PALM2AKAP2: variants seen among roughly 807,000 people sequenced by gnomAD.
PALM2AKAP2 encodes PALM2-AKAP2 fusion protein.
Under a neutral mutation model 71.5 loss-of-function variants are expected in PALM2AKAP2, and 37 were observed. The ratio of observed to expected loss-of-function variants is 0.52; its 90% CI spans 0.40 to 0.68. PALM2AKAP2 has a LOEUF of 0.68. Among genes scored for constraint, PALM2AKAP2 ranks in the 30% least tolerant of loss-of-function variants. The pLI is 0.00. For missense variants in PALM2AKAP2, 1,224 were observed against 1,191.8 expected (o/e 1.03, Z -0.40); for synonymous variants, 468 against 478.8 (o/e 0.98, Z 0.29).
intron 1 of PALM2AKAP2, among the ~76,000 whole-genome samples, chr9:109,816,524 A>G (rs949751020): frequency 6.6e-6 from 1 of 152,194 alleles, no homozygotes; most frequent in African/African-American, 2.4e-5. Flanking sequence ...ACAGTTCCAC[A>G]TTTAGTGATG....
intron 6 of PALM2AKAP2, among the ~76,000 whole-genome samples, chr9:109,940,491 T>A (rs1392303032): frequency 6.6e-6 from 1 of 152,110 alleles, no homozygotes; most frequent in Non-Finnish European, 1.5e-5. Context: ...AAGCAGAAGA[T>A]ATTTACGTCT....
chr9:110,109,356 T>A lies in PALM2AKAP2; in HGVS notation c.157-26771T>A, dbSNP rs200199745. Among the ~76,000 whole-genome samples, 395 of 125,224 alleles carry A rather than the reference T, an allele frequency of 3.2e-3. 5 individuals are homozygous for A. The highest frequency in any genetic ancestry group is 0.011 in the African/African-American group (366 of 33,398). The allele number at this position is 125,224 out of a possible 152,430, so 82.2% of individuals were successfully genotyped here. ...AAAAAACCAGAAAGAAAGAAACATT[T>A]AAAAAAAAAAAAAAGAAAAACTTCA... On this transcript the variant is annotated intron_variant, in intron 1 of 3. Coordinates refer to ENST00000374525, the Ensembl canonical transcript of PALM2AKAP2.
chr9:109,820,791 A>G (rs1427332602), intron 1 of PALM2AKAP2, among the ~76,000 whole-genome samples: 1 of 152,186 alleles, frequency 6.6e-6, no homozygotes, highest in Non-Finnish European at 1.5e-5. Flanking sequence ...ACTGGAGTGG[A>G]TATGACCTTT....
chr9:109,965,353 T>C (rs76461587), intron 6 of PALM2AKAP2, among the ~76,000 whole-genome samples: 11,681 of 152,246 alleles, frequency 0.077, 510 homozygotes, highest in South Asian at 0.19. Flanking sequence ...CATCCACAGA[T>C]GAATGGATAA....
At chr9:110,127,602 C>G (rs1835638983) in intron 1 of PALM2AKAP2, 1 of 151,476 alleles carries the variant, frequency 6.6e-6, no homozygotes, top group Admixed American at 6.6e-5. Flanking sequence ...GTCTAACCCT[C>G]GCAGCAAGCA....
chr9:109,829,749 A>G (rs994259331), intron 1 of PALM2AKAP2, among the ~76,000 whole-genome samples: 2 of 151,872 alleles, frequency 1.3e-5, no homozygotes, highest in African/African-American at 4.8e-5. Flanking sequence ...AAGGTTTGGG[A>G]CTGAGATTAC....
intron 1 of PALM2AKAP2, among the ~76,000 whole-genome samples, chr9:109,649,581 A>G (rs1316812728): frequency 6.6e-6 from 1 of 152,068 alleles, no homozygotes. Context: ...TTTTTGGGCT[A>G]TTTTTCTGAA....
intron 1 of PALM2AKAP2, among the ~76,000 whole-genome samples, chr9:110,072,703 A>G (rs1834230981): frequency 6.6e-6 from 1 of 152,168 alleles, no homozygotes; most frequent in African/African-American, 2.4e-5. Flanking sequence ...ACCTGGAGCC[A>G]CAATCTGTCC....
At chr9:109,879,306 G>A (rs1039646941) in intron 2 of PALM2AKAP2, among the ~76,000 whole-genome samples, 2 of 152,206 alleles carry the variant, frequency 1.3e-5, no homozygotes, top group African/African-American at 4.8e-5. Context: ...GTGTTAGGTG[G>A]CTTAATAGTC....
At position 109,734,494 on chromosome 9, in the gene PALM2AKAP2, A is replaced by G. The variant is rs150664314; in HGVS notation, c.6-45994A>G. ...CATTTCAGGTGCTCAAAACAGCCAC[A>G]TGTGTCTAGTGTCTACCACATTGAT... On this transcript the variant is annotated intron_variant, in intron 1 of 6. Coordinates refer to the PALM2AKAP2 transcript ENST00000374531. Among the ~76,000 whole-genome samples the G allele has an allele frequency of 1.5e-3, 227 of 152,348 alleles. 1 individual carries two copies. Among genetic ancestry groups the G allele is most frequent in the African/African-American group, 5.1e-3 (213 of 41,582 alleles).
chr9:109,854,224 T>C (rs1829093579), intron 1 of PALM2AKAP2, among the ~76,000 whole-genome samples: 2 of 152,166 alleles, frequency 1.3e-5, no homozygotes, highest in Non-Finnish European at 2.9e-5. Context: ...TAGACTTTGG[T>C]CACCACCAAA....
chr9:109,695,296 G>A (rs139904250), intron 1 of PALM2AKAP2, among the ~76,000 whole-genome samples: 6 of 152,210 alleles, frequency 3.9e-5, no homozygotes, highest in East Asian at 1.9e-4. Context: ...AACTGATTTC[G>A]TTTCTTTTGG....
At chr9:110,033,515 A>G (rs906480067) in intron 7 of PALM2AKAP2, among the ~76,000 whole-genome samples, 1 of 152,192 alleles carries the variant, frequency 6.6e-6, no homozygotes, top group Non-Finnish European at 1.5e-5. Context: ...TGACACCATG[A>G]GATAGGTACC....
chr9:109,867,198 G>GTGTGTC (rs1554721943), intron 1 of PALM2AKAP2: 35 of 389,682 alleles, frequency 9.0e-5, no homozygotes, highest in African/African-American at 7.8e-4. Context: ...GTGTGTGTGT[G>GTGTGTC]TGTGTGTCTG....
intron 1 of PALM2AKAP2, among the ~76,000 whole-genome samples, chr9:109,804,797 C>A (rs1166233995): frequency 6.6e-6 from 1 of 151,938 alleles, no homozygotes; most frequent in Non-Finnish European, 1.5e-5. Flanking sequence ...GTGAAATGTA[C>A]AAAACAGTGG....
At position 109,685,019 on chromosome 9, in the gene PALM2AKAP2, A is replaced by G. The variant is rs866595723; in HGVS notation, c.5+44153A>G. Among the ~76,000 whole-genome samples the G allele has an allele frequency of 7.2e-5, 11 of 152,316 alleles. No individual in the cohort carries two copies. The South Asian group carries it at 1.2e-3, about 17-fold the overall frequency. ...ACAAAACATGAATGAATCTTAAAGGATTATACTAAGTAGAGAAACCAGATC... is the reference window on the plus strand; with the variant it reads ...ACAAAACATGAATGAATCTTAAAGGGTTATACTAAGTAGAGAAACCAGATC... On this transcript the variant is annotated intron_variant, in intron 1 of 6. Coordinates refer to the PALM2AKAP2 transcript ENST00000374531.
At chr9:109,870,475 C>G (rs188584575) in intron 2 of PALM2AKAP2, among the ~76,000 whole-genome samples, 70 of 152,306 alleles carry the variant, frequency 4.6e-4, no homozygotes, top group Admixed American at 1.0e-3. Context: ...TAGCCACCGT[C>G]AGTAACAGTC....
intron 1 of PALM2AKAP2, among the ~76,000 whole-genome samples, chr9:109,736,743 C>T (rs1828642022): frequency 6.6e-6 from 1 of 152,062 alleles, no homozygotes; most frequent in Non-Finnish European, 1.5e-5. Flanking sequence ...ATTGTCAACC[C>T]TCACCCCAAC....
At chr9:109,989,348 G>A (rs1312793607) in intron 6 of PALM2AKAP2, among the ~76,000 whole-genome samples, 2 of 152,104 alleles carry the variant, frequency 1.3e-5, no homozygotes, top group Non-Finnish European at 2.9e-5. Context: ...TGTCACAAAT[G>A]TGCTCCAACT....
Sources: gnomAD v4.1 joint callset for allele counts (sites outside exome capture counted in the v4.1 genomes callset) on GRCh38, gnomAD v4.1.1 for gene constraint, MANE v1.5 for transcripts, NCBI Gene and HGNC (gene_info 2026-07-23, HGNC 2026-07-21) for gene names.